The following ABCD2 variants were observed in gnomAD, a reference collection of about 807,000 sequenced individuals.
ABCD2 encodes ATP binding cassette subfamily D member 2.
ABCD2 carries 36 observed loss-of-function variants against 70.9 expected under a neutral mutation model. That is an observed-to-expected ratio of 0.51 (90% CI 0.39 to 0.67). The LOEUF is 0.67. Ranked by LOEUF, ABCD2 falls within the 30% of genes least tolerant of loss-of-function variation. The probability of loss-of-function intolerance (pLI) is 0.00; values close to 1 mark genes in which losing one functional copy is unlikely to be tolerated. For missense variants in ABCD2, 729 were observed against 890.2 expected (o/e 0.82, Z 2.30); for synonymous variants, 304 against 306.9 (o/e 0.99, Z 0.10).
At position 39,553,218 on chromosome 12, in the gene ABCD2, C is replaced by A. The variant is rs928675335; in HGVS notation, c.*694G>T. 6.6e-6 allele frequency: 1 copy of A among 151,826 alleles called. No homozygotes were observed. Among genetic ancestry groups the A allele is most frequent in the Non-Finnish European group, 1.5e-5 (1 of 67,848 alleles). The allele number at this position is 151,826 out of a possible 1,614,324, so 9.4% of individuals were successfully genotyped here. On this transcript the variant is annotated 3_prime_UTR_variant, in exon 10 of 10. Transcript: ENST00000308666. Reference sequence around the variant, plus strand: ...TTTGGATACTCCTTTTCTGTATTGGCAATTCTCTTTTTAAAATGAAAGGAT... The same window carrying A: ...TTTGGATACTCCTTTTCTGTATTGGAAATTCTCTTTTTAAAATGAAAGGAT...
chr12:39,571,707 GATAATC>G (rs1453833659), intron 9 of ABCD2, among the ~76,000 whole-genome samples: 4 of 152,184 alleles, frequency 2.6e-5, no homozygotes, highest in Non-Finnish European at 5.9e-5. Context: ...ACTCATTTGA[GATAATC>G]TTTAAACTTC....
chr12:39,555,236 C>T (rs1186809457), intron 9 of ABCD2, among the ~76,000 whole-genome samples: 3 of 152,144 alleles, frequency 2.0e-5, no homozygotes, highest in Admixed American at 1.3e-4. Context: ...CTAATCTCCC[C>T]TCTCTCTATA....
chr12:39,561,252 G>C (rs927772478), intron 9 of ABCD2, among the ~76,000 whole-genome samples: 5 of 151,132 alleles, frequency 3.3e-5, no homozygotes, highest in Non-Finnish European at 7.4e-5. Flanking sequence ...AAATAGCTGG[G>C]TTTTGTGGTG....
chr12:39,586,713 C>G (rs999688264), intron 6 of ABCD2, among the ~76,000 whole-genome samples: 2 of 152,090 alleles, frequency 1.3e-5, no homozygotes, highest in African/African-American at 4.8e-5. Flanking sequence ...ACATTTTCAG[C>G]AGGGAAATAT....
intron 6 of ABCD2, among the ~76,000 whole-genome samples, chr12:39,594,403 CA>C (rs774495165): frequency 6.6e-6 from 1 of 152,052 alleles, no homozygotes; most frequent in Admixed American, 6.5e-5. Flanking sequence ...TTGTTAATTA[CA>C]AAAAATAACA....
chr12:39,573,611 A>G, intron 9 of ABCD2, 105 bp downstream of exon 9: 1 of 1,254,982 alleles, frequency 8.0e-7, no homozygotes, highest in Non-Finnish European at 1.1e-6. Context: ...TGGGTAGAAA[A>G]TAAGTGAAAT....
Position 39,586,171 on chromosome 12 carries a change from G to A in ABCD2, c.1773C>T (p.His591=). 1 of 1,612,498 alleles carries A rather than the reference G, an allele frequency of 6.2e-7. No homozygotes were observed. The highest frequency in any genetic ancestry group is 8.5e-7 in the Non-Finnish European group (1 of 1,179,172). The change falls in exon 7 of 10, where the codon CAC becomes CAT. Residue 591 remains histidine, a synonymous_variant. Coordinates refer to ENST00000308666, the MANE Select transcript of ABCD2 (RefSeq NM_005164.4). The part of the protein sequence containing the change: ...ERILHNVHLY[H]IVQREGGWDA... ...CTTTACCTCCTTCTCTTTGAACTATGTGATAGAGATGGACATTGTGTAGGA... is the reference window on the plus strand; with the variant it reads ...CTTTACCTCCTTCTCTTTGAACTATATGATAGAGATGGACATTGTGTAGGA...
At position 39,564,480 on chromosome 12, in the gene ABCD2, G is replaced by GT. The variant is rs551872963; in HGVS notation, c.2003+9235dup. Among the ~76,000 whole-genome samples the GT allele has an allele frequency of 9.8e-4, 149 of 152,100 alleles. 1 individual carries two copies. The highest frequency in any genetic ancestry group is 3.4e-3 in the African/African-American group (140 of 41,490). On this transcript the variant is annotated intron_variant, in intron 9 of 9. Coordinates refer to ENST00000308666, the MANE Select transcript of ABCD2 (RefSeq NM_005164.4). ...TGCCCACTTTTTGATGGGGTTGTTT[G>GT]TTTTTTTCTTGTAAATTTGTTGGAG...
At chr12:39,603,388 A>T (rs529642135) in intron 5 of ABCD2, among the ~76,000 whole-genome samples, 182 of 152,216 alleles carry the variant, frequency 1.2e-3, no homozygotes, top group African/African-American at 4.0e-3. Context: ...TAATTAATAC[A>T]TAAGATATTA....
chr12:39,570,983 G>C (rs971379734), intron 9 of ABCD2, among the ~76,000 whole-genome samples: 1 of 151,886 alleles, frequency 6.6e-6, no homozygotes, highest in Non-Finnish European at 1.5e-5. Context: ...TGACAAACAG[G>C]CATATCAAAA....
chr12:39,540,104 C>T, the ABCD2 span, among the ~76,000 whole-genome samples: 1 of 152,192 alleles, frequency 6.6e-6, no homozygotes, highest in African/African-American at 2.4e-5. Context: ...TAACAGCCGG[C>T]CATCCAGCAA....
rs545886629 is a variant in ABCD2 at position 39,586,159 on chromosome 12, T to G, written c.1785A>C (p.Arg595Ser). The G allele has an allele frequency of 6.2e-7, 1 of 1,609,864 alleles. No homozygotes were observed. The highest frequency in any genetic ancestry group is 8.5e-7 in the Non-Finnish European group (1 of 1,178,266). ...AAGAATGATAGACTTTACCTCCTTC[T>G]CTTTGAACTATGTGATAGAGATGGA... is the stretch of plus-strand genomic sequence containing the variant. ...HNVHLYHIVQ[R>S]EGGWDAVMDW... The change falls in exon 7 of 10, where the codon AGA becomes AGC. Residue 595 changes from arginine to serine, a missense_variant. By Grantham distance (110) the Arg-to-Ser change is moderately radical (BLOSUM62 -1). Around this residue, in one of 3 missense-constraint regions of ABCD2, gnomAD observed 289 missense variants for 328.8 expected, o/e 0.88. Coordinates refer to ENST00000308666, the MANE Select transcript of ABCD2 (RefSeq NM_005164.4).
intron 9 of ABCD2, among the ~76,000 whole-genome samples, chr12:39,569,773 C>T (rs901955254): frequency 6.6e-6 from 1 of 152,058 alleles, no homozygotes; most frequent in Non-Finnish European, 1.5e-5. Context: ...GGCTCCACTC[C>T]CCCAGATAAC....
chr12:39,584,927 A>G (rs536787315), intron 7 of ABCD2, among the ~76,000 whole-genome samples: 1 of 152,260 alleles, frequency 6.6e-6, no homozygotes, highest in African/African-American at 2.4e-5. Context: ...GTAGACTTGT[A>G]GTATAGTTTG....
In ABCD2 at chr12:39,619,262, G is replaced by T. The variant is rs1298636453; in HGVS notation, c.354C>A (p.Thr118=). ...GACCAGCCACATAGATAGAAAGAAA[G>T]GTTCTTGAGATTAGAGCCACTGAGT... The part of the protein sequence containing the change: ...CLHSVALISR[T]FLSIYVAGLD... The change falls in exon 1 of 10, where the codon ACC becomes ACA. Residue 118 remains threonine, a synonymous_variant. Transcript: ENST00000308666. The T allele has an allele frequency of 6.2e-7, 1 of 1,614,000 alleles. No homozygotes were observed. The highest frequency in any genetic ancestry group is 8.5e-7 in the Non-Finnish European group (1 of 1,180,028).
the ABCD2 span, among the ~76,000 whole-genome samples, chr12:39,541,979 AG>A: frequency 1.3e-5 from 2 of 152,186 alleles, no homozygotes; most frequent in Non-Finnish European, 2.9e-5. Context: ...TGATGGCACT[AG>A]GAGTGGGAAG....
chr12:39,560,963 C>A (rs1365214534), intron 9 of ABCD2, among the ~76,000 whole-genome samples: 1 of 151,830 alleles, frequency 6.6e-6, no homozygotes, highest in Non-Finnish European at 1.5e-5. Flanking sequence ...CACTTACCCA[C>A]AAAGAAAGAC....
Position 39,559,284 on chromosome 12 carries a change from GGA to G in ABCD2, c.2004-5155_2004-5154del, listed in dbSNP as rs1475030690. Among the ~76,000 whole-genome samples the G allele has an allele frequency of 8.6e-5, 13 of 150,872 alleles. No individual in the cohort carries two copies. The Admixed American group carries it at 8.6e-4, about 10-fold the overall frequency. ...CTATTTGGGATGCTGAGGCAGGGCAGGAGAATTGCTTGAATCCAGGAAGCGGA... is the reference window on the plus strand; with the variant it reads ...CTATTTGGGATGCTGAGGCAGGGCAGGAATTGCTTGAATCCAGGAAGCGGA... On this transcript the variant is annotated intron_variant, in intron 9 of 9. Coordinates refer to ENST00000308666, the MANE Select transcript of ABCD2 (RefSeq NM_005164.4).
intron 6 of ABCD2, among the ~76,000 whole-genome samples, chr12:39,588,203 C>T (rs1941692645): frequency 6.6e-6 from 1 of 152,056 alleles, no homozygotes; most frequent in Non-Finnish European, 1.5e-5. Context: ...CTGGAACAGT[C>T]TAATATTATC....
Sources: gnomAD v4.1 joint callset for allele counts (sites outside exome capture counted in the v4.1 genomes callset) on GRCh38, gnomAD v4.1.1 for gene constraint, gnomAD v4.1.1 regional missense constraint, MANE v1.5 for transcripts, NCBI Gene and HGNC (gene_info 2026-07-23, HGNC 2026-07-21) for gene names.